NGEF: variants seen among roughly 807,000 people sequenced by gnomAD.
NGEF encodes the protein ephexin-1.
In NGEF, 31 loss-of-function variants were observed where a neutral mutation model predicts 80.9. The ratio of observed to expected loss-of-function variants is 0.38; its 90% CI spans 0.29 to 0.52. The LOEUF is 0.52. Ranked by LOEUF, NGEF falls within the 20% of genes least tolerant of loss-of-function variation. The probability of loss-of-function intolerance (pLI) is 0.84; values close to 1 mark genes in which losing one functional copy is unlikely to be tolerated. For synonymous variants in NGEF, 371 were observed against 370.2 expected (o/e 1.00, Z -0.03); for missense variants, 709 against 926.2 (o/e 0.77, Z 3.04).
intron 9 of NGEF, among the ~76,000 whole-genome samples, chr2:232,886,582 A>C (rs892304779): frequency 3.3e-5 from 5 of 151,674 alleles, no homozygotes; most frequent in African/African-American, 9.7e-5. Flanking sequence ...ATTGAGTATA[A>C]TTACTTTCAT....
rs544241556 is a variant in NGEF, at chr2:232,892,005, C to T, written c.1143-518G>A. Among the ~76,000 whole-genome samples, 21 of 151,960 alleles carry T rather than the reference C, an allele frequency of 1.4e-4. No homozygotes were observed. Among genetic ancestry groups the T allele is most frequent in the Middle Eastern group, 3.4e-3 (1 of 294 alleles). On this transcript the variant is annotated intron_variant, in intron 7 of 14. Coordinates refer to ENST00000264051, the MANE Select transcript of NGEF (RefSeq NM_019850.3). This position sits in a 1 kb window ranked among gnomAD's most constrained non-coding sequence, Gnocchi z 4.0. ...GCAGGGACAGCAGGGACAGCAGGGA[C>T]GGCAGGGACAGGTGCTCAGCCTGTC... is the stretch of plus-strand genomic sequence containing the variant.
chr2:232,881,668 C>T (rs1318490773), intron 13 of NGEF, among the ~76,000 whole-genome samples: 1 of 152,140 alleles, frequency 6.6e-6, no homozygotes, highest in Non-Finnish European at 1.5e-5. Flanking sequence ...CTGCAACCTC[C>T]ACATGCCAGG....
chr2:232,925,039 A>G (rs972522949), intron 4 of NGEF, among the ~76,000 whole-genome samples: 2 of 152,252 alleles, frequency 1.3e-5, no homozygotes, highest in African/African-American at 2.4e-5. Flanking sequence ...TAGTCAATGT[A>G]CTGTCAATAG....
At chr2:232,975,237 A>G (rs1440648022) in intron 1 of NGEF, among the ~76,000 whole-genome samples, 2 of 152,210 alleles carry the variant, frequency 1.3e-5, no homozygotes, top group Non-Finnish European at 2.9e-5. Context: ...ATTCAAATAA[A>G]TACTTCTTAA....
intron 5 of NGEF, among the ~76,000 whole-genome samples, chr2:232,908,869 T>C (rs1211310920): frequency 6.6e-6 from 1 of 152,200 alleles, no homozygotes; most frequent in Non-Finnish European, 1.5e-5. Context: ...AGCTTTCTAA[T>C]TGACTGAAAT....
intron 3 of NGEF, among the ~76,000 whole-genome samples, chr2:232,966,357 C>A (rs917254683): frequency 6.6e-6 from 1 of 152,194 alleles, no homozygotes; most frequent in Non-Finnish European, 1.5e-5. Flanking sequence ...TTCCTGGAGA[C>A]CCACACTTAG....
chr2:232,931,869 C>T (rs563233546), intron 3 of NGEF, among the ~76,000 whole-genome samples: 3 of 152,330 alleles, frequency 2.0e-5, no homozygotes, highest in Middle Eastern at 3.4e-3. Context: ...CTGGCTGCCA[C>T]TCCTTCAACA....
intron 1 of NGEF, among the ~76,000 whole-genome samples, chr2:232,997,787 G>C (rs1330674531): frequency 6.6e-6 from 1 of 152,118 alleles, no homozygotes; most frequent in Non-Finnish European, 1.5e-5. Context: ...TCTCCTGCTC[G>C]GGGGTGTTAG....
intron 2 of NGEF, among the ~76,000 whole-genome samples, chr2:232,972,987 C>T (rs1362033720): frequency 2.0e-5 from 3 of 152,034 alleles, no homozygotes; most frequent in Non-Finnish European, 4.4e-5. Context: ...GAACCCCTGA[C>T]CTCAGATGAT....
chr2:232,990,462 A>T (rs966274430), intron 1 of NGEF, among the ~76,000 whole-genome samples: 6 of 152,234 alleles, frequency 3.9e-5, no homozygotes, highest in African/African-American at 1.4e-4. Context: ...TAATATTTAT[A>T]GTTTTAGTGC....
intron 5 of NGEF, among the ~76,000 whole-genome samples, chr2:232,915,532 G>A (rs1049335364): frequency 5.3e-5 from 8 of 152,098 alleles, no homozygotes; most frequent in African/African-American, 7.2e-5. Flanking sequence ...CTGTCAGAGC[G>A]GGCAGGGCAG....
intron 1 of NGEF, among the ~76,000 whole-genome samples, chr2:233,001,356 A>G (rs1574664643): frequency 6.6e-6 from 1 of 152,168 alleles, no homozygotes; most frequent in Non-Finnish European, 1.5e-5. Flanking sequence ...CAGTGCTAGA[A>G]GCATCGAAAG....
intron 3 of NGEF, among the ~76,000 whole-genome samples, chr2:232,928,355 C>T (rs1236087324): frequency 1.3e-5 from 2 of 151,256 alleles, no homozygotes; most frequent in Non-Finnish European, 3.0e-5. Context: ...CGCCGTGCCC[C>T]GACCCGGAGA....
At chr2:232,938,344 C>T (rs755993007) in intron 3 of NGEF, among the ~76,000 whole-genome samples, 2 of 152,168 alleles carry the variant, frequency 1.3e-5, no homozygotes, top group African/African-American at 2.4e-5. Flanking sequence ...TGCAGACTAT[C>T]GCATAGCCTT....
intron 3 of NGEF, among the ~76,000 whole-genome samples, chr2:232,947,044 T>C (rs957883587): frequency 1.3e-5 from 2 of 152,174 alleles, no homozygotes; most frequent in Non-Finnish European, 2.9e-5. Flanking sequence ...AGATTGATAA[T>C]GGATGTTAAA....
At chr2:232,928,144 C>T (rs1012158313) in intron 3 of NGEF, 1 of 988,518 alleles carries the variant, frequency 1.0e-6, no homozygotes, top group African/African-American at 1.8e-5. Context: ...GCCACCGCTG[C>T]CGAGCACTCC....
chr2:232,906,418 T>C (rs1313432791), intron 5 of NGEF, among the ~76,000 whole-genome samples: 2 of 93,436 alleles, frequency 2.1e-5, no homozygotes, highest in East Asian at 3.5e-4. Context: ...CCCCGCCCGG[T>C]CAGCCACCCC....
chr2:232,992,739 C>G (rs1197308597), intron 1 of NGEF, among the ~76,000 whole-genome samples: 1 of 151,840 alleles, frequency 6.6e-6, no homozygotes, highest in Non-Finnish European at 1.5e-5. Flanking sequence ...GTAATCCCAG[C>G]ACTTTGGGAG....
chr2:232,895,653 G>A (rs905736767), intron 5 of NGEF, among the ~76,000 whole-genome samples: 3 of 152,064 alleles, frequency 2.0e-5, no homozygotes, highest in African/African-American at 4.8e-5. Context: ...GTTCCTCCAC[G>A]CCCAGCAGAA....
Sources: gnomAD v4.1 joint callset for allele counts (sites outside exome capture counted in the v4.1 genomes callset) on GRCh38, gnomAD v4.1.1 for gene constraint, Gnocchi (gnomAD v3.1) non-coding constraint, MANE v1.5 for transcripts, NCBI Gene and HGNC (gene_info 2026-07-23, HGNC 2026-07-21) for gene names.